The following DLGAP1 variants were observed in gnomAD, a reference collection of about 807,000 sequenced individuals.
DLGAP1 encodes DLG associated protein 1.
Under a neutral mutation model 90.8 loss-of-function variants are expected in DLGAP1, and 11 were observed. That is an observed-to-expected ratio of 0.12 (90% CI 0.08 to 0.20). The LOEUF is 0.20. Ranked by LOEUF, DLGAP1 falls within the 10% of genes least tolerant of loss-of-function variation. The pLI is 1.00. For synonymous variants in DLGAP1, 558 were observed against 540.7 expected, an observed-to-expected ratio of 1.03 and a Z score of -0.44; for missense variants, 1,050 against 1,333.8, an observed-to-expected ratio of 0.79 and a Z score of 3.31.
chr18:3,742,696 C>G (rs1311393260), intron 5 of DLGAP1, among the ~76,000 whole-genome samples, 184 bp from the exon 6 acceptor site: 1 of 152,200 alleles, frequency 6.6e-6, no homozygotes, highest in Non-Finnish European at 1.5e-5. Context: ...AGGAAATCAT[C>G]AAGATCTGAT....
chr18:4,269,207 A>G (rs1286740594), intron 1 of DLGAP1, among the ~76,000 whole-genome samples: 1 of 151,380 alleles, frequency 6.6e-6, no homozygotes, highest in African/African-American at 2.4e-5. Flanking sequence ...TGATCTTTCC[A>G]TATATCTACT....
intron 1 of DLGAP1, among the ~76,000 whole-genome samples, chr18:4,412,952 C>A (rs974119582): frequency 6.6e-6 from 1 of 152,132 alleles, no homozygotes; most frequent in South Asian, 2.1e-4. Flanking sequence ...GATGGCAGAT[C>A]GGAGGGGATG....
chr18:3,600,811 T>TAG (rs1568278330), intron 7 of DLGAP1, among the ~76,000 whole-genome samples: 18 of 93,254 alleles, frequency 1.9e-4, no homozygotes, highest in African/African-American at 9.6e-4. Flanking sequence ...GATATATAGA[T>TAG]ATATATAGAT....
intron 1 of DLGAP1, among the ~76,000 whole-genome samples, chr18:4,204,318 GGTT>G (rs920507213): frequency 1.3e-5 from 2 of 152,178 alleles, no homozygotes; most frequent in Admixed American, 1.3e-4. Context: ...AGGACAAGAA[GGTT>G]GTTATTCTTT....
Position 4,404,738 on chromosome 18 carries a change from T to C in DLGAP1, c.-267+50268A>G, listed in dbSNP as rs148620451. Among the ~76,000 whole-genome samples, 61 of 152,168 alleles carry C rather than the reference T, an allele frequency of 4.0e-4. 1 individual carries two copies. In the Middle Eastern group the frequency reaches 0.017, roughly 42 times the overall value. On this transcript the variant is annotated intron_variant, in intron 1 of 12. Transcript: ENST00000315677. ...CCTATGAAATCAGAGATTATAATAA[T>C]ATGAGGAAAACGCATAAAGGCCAGA...
Position 4,112,651 on chromosome 18 carries a change from G to A in DLGAP1, c.-159+38529C>T, listed in dbSNP as rs1173313650. On this transcript the variant is annotated intron_variant, in intron 2 of 12. Transcript: ENST00000315677. ...TATCTTAGATTTAGGGTATACATGT[G>A]CAGGTTTGTTACCTGGGAATATTGT... is the stretch of plus-strand genomic sequence containing the variant. 2.6e-5 allele frequency among the ~76,000 whole-genome samples: 4 copies of A among 152,224 alleles called. No homozygotes were observed. In the East Asian group the frequency reaches 7.7e-4, roughly 29 times the overall value.
intron 9 of DLGAP1, among the ~76,000 whole-genome samples, chr18:3,551,301 G>C (rs1201906047): frequency 1.3e-5 from 2 of 151,908 alleles, no homozygotes; most frequent in Non-Finnish European, 2.9e-5. Flanking sequence ...ACCCAGGCTG[G>C]AATGTAGTGG....
chr18:4,034,244 G>A (rs1172534051), intron 2 of DLGAP1, among the ~76,000 whole-genome samples: 1 of 151,694 alleles, frequency 6.6e-6, no homozygotes, highest in Non-Finnish European at 1.5e-5. Context: ...GTTTCACCAT[G>A]TTGGCCAGGC....
rs953349397 is a variant in DLGAP1 at position 3,629,495 on chromosome 18, C to A, written c.1592-47247G>T. Among the ~76,000 whole-genome samples the A allele has an allele frequency of 7.5e-4, 114 of 152,114 alleles. 1 individual carries two copies. Among genetic ancestry groups the A allele is most frequent in the African/African-American group, 2.6e-3 (107 of 41,494 alleles). ...GACCATCCTGGCTAACACGCTGAAACCCTGTCTCTACTAAAAATACAAAAA... is the reference window on the plus strand; with the variant it reads ...GACCATCCTGGCTAACACGCTGAAAACCTGTCTCTACTAAAAATACAAAAA... On this transcript the variant is annotated intron_variant, in intron 7 of 12. Coordinates refer to ENST00000315677, the MANE Select transcript of DLGAP1 (RefSeq NM_004746.4).
intron 1 of DLGAP1, among the ~76,000 whole-genome samples, chr18:4,228,762 A>C (rs2078242802): frequency 6.6e-6 from 1 of 151,978 alleles, no homozygotes; most frequent in South Asian, 2.1e-4. Flanking sequence ...CTGAAAGCCT[A>C]GCCTCTAAGA....
chr18:3,888,530 C>G (rs184489178), intron 3 of DLGAP1, among the ~76,000 whole-genome samples: 5 of 151,872 alleles, frequency 3.3e-5, no homozygotes, highest in African/African-American at 1.2e-4. Context: ...GGAGGCATTT[C>G]CTTTTCAAAA....
At chr18:3,642,963 C>T (rs1395973597) in intron 7 of DLGAP1, among the ~76,000 whole-genome samples, 3 of 152,280 alleles carry the variant, frequency 2.0e-5, no homozygotes, top group African/African-American at 7.2e-5. Context: ...GAAGATATGC[C>T]TCCCCACATA....
intron 3 of DLGAP1, among the ~76,000 whole-genome samples, chr18:3,988,061 T>C (rs1252916857): frequency 3.9e-5 from 6 of 152,172 alleles, no homozygotes; most frequent in Admixed American, 2.6e-4. Context: ...CACCATAAGG[T>C]AGAATCAATG....
At position 4,378,432 on chromosome 18, in the gene DLGAP1, T is replaced by C. The variant is rs935630205; in HGVS notation, c.-267+76574A>G. Among the ~76,000 whole-genome samples the C allele has an allele frequency of 2.0e-5, 3 of 151,942 alleles. No individual in the cohort carries two copies. The highest frequency in any genetic ancestry group is 4.4e-5 in the Non-Finnish European group (3 of 67,980). On this transcript the variant is annotated intron_variant, in intron 1 of 12. Coordinates refer to ENST00000315677, the MANE Select transcript of DLGAP1 (RefSeq NM_004746.4). This position sits in a 1 kb window ranked among gnomAD's most constrained non-coding sequence, Gnocchi z 4.5. ...TAATTAAGCTTAAACATCTAAAGAG[T>C]ATGGTCAGGAAATAGAATTAACACT...
At chr18:4,118,740 T>A (rs916783129) in intron 2 of DLGAP1, among the ~76,000 whole-genome samples, 1 of 149,806 alleles carries the variant, frequency 6.7e-6, no homozygotes. Context: ...TCCCTAAGCT[T>A]GGGGTGGAAG....
At chr18:4,169,289 G>T (rs1242152421) in intron 1 of DLGAP1, among the ~76,000 whole-genome samples, 2 of 152,162 alleles carry the variant, frequency 1.3e-5, no homozygotes, top group Non-Finnish European at 2.9e-5. Flanking sequence ...CAAACTAATG[G>T]ATGTGAAGTG....
intron 1 of DLGAP1, among the ~76,000 whole-genome samples, chr18:4,324,124 A>G (rs2143639451): frequency 6.6e-6 from 1 of 152,146 alleles, no homozygotes; most frequent in East Asian, 1.9e-4. Context: ...CACTAACTAC[A>G]CATATAAAGA....
chr18:4,062,506 A>G (rs1473902675), intron 2 of DLGAP1, among the ~76,000 whole-genome samples: 1 of 152,144 alleles, frequency 6.6e-6, no homozygotes, highest in Non-Finnish European at 1.5e-5. Context: ...TCATACATGT[A>G]TTTGATGGCA....
At chr18:4,310,178 C>T (rs908300238) in intron 1 of DLGAP1, among the ~76,000 whole-genome samples, 12 of 152,118 alleles carry the variant, frequency 7.9e-5, no homozygotes, top group African/African-American at 2.4e-5. Flanking sequence ...GGGTTAGAAT[C>T]GTTCCTGTGG....
Sources: gnomAD v4.1 joint callset for allele counts (sites outside exome capture counted in the v4.1 genomes callset) on GRCh38, gnomAD v4.1.1 for gene constraint, Gnocchi (gnomAD v3.1) non-coding constraint, MANE v1.5 for transcripts, NCBI Gene and HGNC (gene_info 2026-07-23, HGNC 2026-07-21) for gene names.